The following TRIO variants were observed in gnomAD, a reference collection of about 807,000 sequenced individuals.
The protein encoded by TRIO is triple functional domain protein.
Under a neutral mutation model 351.9 loss-of-function variants are expected in TRIO, and 58 were observed. The observed-to-expected ratio is 0.16, with a 90% CI of 0.13 to 0.21. TRIO has a LOEUF of 0.21. Among genes scored for constraint, TRIO ranks in the 10% least tolerant of loss-of-function variants. The pLI is 1.00. For missense variants in TRIO, 3,201 were observed against 4,027.8 expected, an observed-to-expected ratio of 0.79 and a Z score of 5.56; for synonymous variants, 1,758 against 1,595.7, an observed-to-expected ratio of 1.10 and a Z score of -2.42.
intron 2 of TRIO, among the ~76,000 whole-genome samples, chr5:14,271,324 C>A (rs2152269980): frequency 6.6e-6 from 1 of 152,260 alleles, no homozygotes; most frequent in East Asian, 1.9e-4. Flanking sequence ...GCAAGGATGC[C>A]TGCTTCTCCT....
At chr5:14,236,403 A>G (rs753914068) in intron 1 of TRIO, among the ~76,000 whole-genome samples, 7 of 152,220 alleles carry the variant, frequency 4.6e-5, no homozygotes, top group African/African-American at 1.4e-4. Context: ...TTAAATAACT[A>G]TCTTTCTTCT....
intron 34 of TRIO, among the ~76,000 whole-genome samples, chr5:14,428,542 T>A (rs1490611571): frequency 6.6e-6 from 1 of 152,170 alleles, no homozygotes; most frequent in Non-Finnish European, 1.5e-5. Flanking sequence ...CAGCCAAGAC[T>A]GAGAGATCAG....
At chr5:14,210,781 G>A (rs556178512) in intron 1 of TRIO, among the ~76,000 whole-genome samples, 8 of 152,130 alleles carry the variant, frequency 5.3e-5, no homozygotes, top group Non-Finnish European at 1.0e-4. Context: ...TTGTCCAGTA[G>A]TTCTACGTAC....
intron 1 of TRIO, among the ~76,000 whole-genome samples, chr5:14,185,836 T>G (rs1241905786): frequency 1.3e-5 from 2 of 152,088 alleles, no homozygotes; most frequent in East Asian, 3.9e-4. Context: ...ATAGTCTAGT[T>G]ATGGGTGGTG....
At chr5:14,237,735 A>G (rs1793867452) in intron 1 of TRIO, among the ~76,000 whole-genome samples, 1 of 152,192 alleles carries the variant, frequency 6.6e-6, no homozygotes, top group Non-Finnish European at 1.5e-5. Flanking sequence ...CACTTTCTCT[A>G]CCTCTAAGTA....
chr5:14,393,056 G>GA (rs550792228), intron 27 of TRIO, among the ~76,000 whole-genome samples: 18,712 of 96,814 alleles, frequency 0.19, 2,293 homozygotes, highest in African/African-American at 0.38. Context: ...CAAAAAGAAA[G>GA]AAAAAAAAAA....
chr5:14,406,471 A>G, intron 32 of TRIO, 102 bp from the exon 33 acceptor site: 2 of 1,078,902 alleles, frequency 1.9e-6, no homozygotes, highest in South Asian at 1.3e-5. Context: ...AGCAGCAGGC[A>G]CTCACGAAGG....
At chr5:14,502,469 G>A in intron 53 of TRIO, 110 bp from the exon 54 acceptor site, 1 of 966,786 alleles carries the variant, frequency 1.0e-6, no homozygotes, top group East Asian at 2.5e-5. Flanking sequence ...CGTGTGGCAG[G>A]TGCCCGGTGG....
At chr5:14,213,295 A>T (rs1020407145) in intron 1 of TRIO, among the ~76,000 whole-genome samples, 1 of 151,084 alleles carries the variant, frequency 6.6e-6, no homozygotes, top group Non-Finnish European at 1.5e-5. Flanking sequence ...AGGTTAATAT[A>T]TGTAAACTAA....
intron 1 of TRIO, among the ~76,000 whole-genome samples, chr5:14,168,583 C>G (rs1788919135): frequency 6.6e-6 from 1 of 152,202 alleles, no homozygotes; most frequent in South Asian, 2.1e-4. Flanking sequence ...GCTCTGGGTG[C>G]TGTTTTCTAG....
At chr5:14,348,847 G>A (rs1228945076) in intron 11 of TRIO, among the ~76,000 whole-genome samples, 1 of 40,680 alleles carries the variant, frequency 2.5e-5, no homozygotes, top group African/African-American at 1.9e-4. Flanking sequence ...GTACGCACGT[G>A]AGCATGTTTT....
chr5:14,448,314 G>A (rs1021293338), intron 34 of TRIO, among the ~76,000 whole-genome samples: 6 of 152,232 alleles, frequency 3.9e-5, no homozygotes, highest in Non-Finnish European at 7.3e-5. Context: ...CCAGAGTGCC[G>A]CAGCAGGCTG....
chr5:14,277,459 A>G (rs1177481839), intron 2 of TRIO, among the ~76,000 whole-genome samples: 2 of 152,180 alleles, frequency 1.3e-5, no homozygotes. Context: ...TGCTGGCAGC[A>G]TTTCCTGTCT....
chr5:14,487,565 GCCC>G lies in TRIO; in HGVS notation c.6940_6942del (p.Pro2314del). Reference sequence around the variant, plus strand: ...GGGTGGGGGCAGCGGCGGCGGCGGGGCCCCCAGTGGCGGCAGCGGCCACAGTGG... The same window carrying G: ...GGGTGGGGGCAGCGGCGGCGGCGGGGCCAGTGGCGGCAGCGGCCACAGTGG... On this transcript the variant is annotated inframe_deletion, in exon 48 of 57. Coordinates refer to ENST00000344204, the MANE Select transcript of TRIO (RefSeq NM_007118.4). The G allele has an allele frequency of 9.0e-7, 1 of 1,117,002 alleles. No homozygotes were observed. The highest frequency in any genetic ancestry group is 5.1e-5 in the Admixed American group (1 of 19,418). 69.2% of individuals were successfully genotyped at this position (1,117,002 alleles called of 1,614,324 possible). A position where few individuals can be genotyped will look rare whatever the true frequency, so the allele number is the denominator to read the frequency against.
At chr5:14,482,908 C>A in intron 46 of TRIO, 135 bp downstream of exon 46, 1 of 850,286 alleles carries the variant, frequency 1.2e-6, no homozygotes. Context: ...ATTTCAGAGC[C>A]TTGAATTCAC....
At chr5:14,447,627 C>T (rs1274216287) in intron 34 of TRIO, among the ~76,000 whole-genome samples, 1 of 152,128 alleles carries the variant, frequency 6.6e-6, no homozygotes, top group Admixed American at 6.5e-5. Context: ...GCGTATAGCC[C>T]CCTGCCCCCA....
At chr5:14,262,457 A>G (rs1795406163) in intron 1 of TRIO, among the ~76,000 whole-genome samples, 1 of 152,176 alleles carries the variant, frequency 6.6e-6, no homozygotes, top group Admixed American at 6.5e-5. Flanking sequence ...GGCAGCATAC[A>G]TCAGATCATG....
chr5:14,378,886 C>A (rs1219497637), intron 20 of TRIO, among the ~76,000 whole-genome samples: 2 of 152,116 alleles, frequency 1.3e-5, no homozygotes, highest in African/African-American at 4.8e-5. Context: ...TTAGTATAGT[C>A]AAAAAGTGTT....
intron 1 of TRIO, among the ~76,000 whole-genome samples, chr5:14,217,062 A>G (rs1792270517): frequency 6.6e-6 from 1 of 152,208 alleles, no homozygotes; most frequent in African/African-American, 2.4e-5. Flanking sequence ...GGCCCAGATC[A>G]TGCATTCCTC....
Sources: allele counts gnomAD v4.1 joint callset (sites outside exome capture counted in the v4.1 genomes callset), GRCh38; gene constraint gnomAD v4.1.1; transcripts MANE v1.5; gene names NCBI Gene and HGNC (gene_info 2026-07-23, HGNC 2026-07-21).